NEK5: variants seen among roughly 807,000 people sequenced by gnomAD.
The protein encoded by NEK5 is NIMA related kinase 5.
Under a neutral mutation model 109.2 loss-of-function variants are expected in NEK5, and 88 were observed. That is an observed-to-expected ratio of 0.81 (90% CI 0.68 to 0.96). The LOEUF (loss-of-function observed/expected upper bound fraction) is 0.96, where lower values mean the gene tolerates loss of function less well. NEK5 is among the 40% of genes least tolerant of loss of function. The pLI is 0.00. For synonymous variants in NEK5, 283 were observed against 299.9 expected (o/e 0.94, Z 0.58); for missense variants, 834 against 920.7 (o/e 0.91, Z 1.22).
Position 52,099,797 on chromosome 13 carries a change from A to G in NEK5, c.972T>C (p.Ala324=), listed in dbSNP as rs756874864. Reference sequence around the variant, plus strand: ...GTCTCCATTCATTTCTATGCAATATAGCATTCCTTTTAATTGGCACAGATA... The same window carrying G: ...GTCTCCATTCATTTCTATGCAATATGGCATTCCTTTTAATTGGCACAGATA... ...SRISVPIKRN[A]ILHRNEWRPP... Residue 324 remains alanine (A), a synonymous_variant, in exon 12 of 24, where the codon GCT becomes GCC. Coordinates refer to ENST00000684899, the MANE Select transcript of NEK5 (RefSeq NM_001365552.1). 25 of 1,613,780 alleles carry G rather than the reference A, an allele frequency of 1.5e-5. No individual in the cohort carries two copies. Among genetic ancestry groups the G allele is most frequent in the Non-Finnish European group, 2.0e-5 (24 of 1,179,740 alleles).
At chr13:52,119,239 T>G (rs945920846) in intron 4 of NEK5, 80 bp downstream of exon 4, 5 of 691,208 alleles carry the variant, frequency 7.2e-6, no homozygotes, top group Non-Finnish European at 1.2e-5. Flanking sequence ...TTATACACAG[T>G]CCTTAGGAAC....
intron 19 of NEK5, among the ~76,000 whole-genome samples, chr13:52,072,334 A>G (rs905860251): frequency 6.6e-6 from 1 of 152,224 alleles, no homozygotes; most frequent in African/African-American, 2.4e-5. Context: ...TCTGACTTCA[A>G]TAGTATTCCA....
chr13:52,056,070 A>G (rs991949381), intron 22 of NEK5, among the ~76,000 whole-genome samples: 7 of 152,322 alleles, frequency 4.6e-5, no homozygotes, highest in Non-Finnish European at 8.8e-5. Context: ...ATGCAGAGAC[A>G]CACATACGCT....
chr13:52,087,819 G>T (rs918827439), intron 14 of NEK5, among the ~76,000 whole-genome samples: 20 of 151,916 alleles, frequency 1.3e-4, no homozygotes, highest in Non-Finnish European at 1.8e-4. Flanking sequence ...TAGAGACAGG[G>T]TTTCACTGTG....
At chr13:52,117,540 C>G (rs1224702370) in intron 4 of NEK5, among the ~76,000 whole-genome samples, 1 of 152,160 alleles carries the variant, frequency 6.6e-6, no homozygotes, top group African/African-American at 2.4e-5. Context: ...GCAAAAGCTT[C>G]CAGTGGTAAA....
chr13:52,064,013 C>T (rs1419758407), intron 21 of NEK5, among the ~76,000 whole-genome samples: 4 of 144,300 alleles, frequency 2.8e-5, no homozygotes, highest in African/African-American at 1.0e-4. Context: ...GGGGGTCAGC[C>T]CCCCGCCCGG....
At chr13:52,117,864 CAG>C (rs113138282) in intron 4 of NEK5, among the ~76,000 whole-genome samples, 3 of 152,274 alleles carry the variant, frequency 2.0e-5, no homozygotes, top group African/African-American at 7.2e-5. Context: ...AGGAGTTAGC[CAG>C]AGAGTCACAA....
intron 4 of NEK5, 79 bp downstream of exon 4, chr13:52,119,240 C>T (rs775207355): frequency 1.4e-6 from 1 of 708,334 alleles, no homozygotes. Flanking sequence ...TATACACAGT[C>T]CTTAGGAACA....
intron 21 of NEK5, among the ~76,000 whole-genome samples, chr13:52,064,365 C>T (rs1245582426): frequency 1.5e-5 from 2 of 136,484 alleles, no homozygotes; most frequent in East Asian, 2.3e-4. Flanking sequence ...GGGGGTCAGC[C>T]CCCCCGCCCG....
At chr13:52,086,479 A>G (rs914683116) in intron 15 of NEK5, 116 bp from the exon 16 acceptor site, 3 of 693,070 alleles carry the variant, frequency 4.3e-6, no homozygotes, top group Non-Finnish European at 7.6e-6. Flanking sequence ...TTAGAAAAAT[A>G]TGTTGCTCCT....
Position 52,123,653 on chromosome 13 carries a change from C to T in NEK5, c.117+3713G>A, listed in dbSNP as rs1174892917. 5.9e-5 allele frequency among the ~76,000 whole-genome samples: 9 copies of T among 152,108 alleles called. No individual in the cohort carries two copies. In the South Asian group the frequency reaches 6.2e-4, roughly 11 times the overall value. On this transcript the variant is annotated intron_variant, in intron 3 of 23. Coordinates refer to ENST00000684899, the MANE Select transcript of NEK5 (RefSeq NM_001365552.1). Reference sequence around the variant, plus strand: ...TACCAGCACAAAACACACATGGACTCGGTCCTCACAGAACATATTACAGCT... The same window carrying T: ...TACCAGCACAAAACACACATGGACTTGGTCCTCACAGAACATATTACAGCT...
intron 3 of NEK5, among the ~76,000 whole-genome samples, chr13:52,121,526 A>G (rs1374318210): frequency 6.6e-6 from 1 of 152,224 alleles, no homozygotes; most frequent in Non-Finnish European, 1.5e-5. Context: ...GTTCTCATAC[A>G]AAAGACTTTG....
intron 21 of NEK5, chr13:52,065,169 A>ATT (rs1954667268): frequency 2.3e-6 from 1 of 438,248 alleles, no homozygotes; most frequent in Non-Finnish European, 4.1e-6. Flanking sequence ...TCGCAAAAAA[A>ATT]GTTGTTGAGC....
intron 14 of NEK5, 66 bp from the exon 15 acceptor site, chr13:52,087,520 T>G (rs1955175433): frequency 1.2e-6 from 1 of 826,420 alleles, no homozygotes; most frequent in South Asian, 1.7e-5. Context: ...TGATTTGACA[T>G]TGACTTTTTC....
chr13:52,080,131 C>T (rs1172898191), intron 17 of NEK5, among the ~76,000 whole-genome samples: 4 of 150,338 alleles, frequency 2.7e-5, no homozygotes, highest in South Asian at 2.1e-4. Context: ...AGGTGAGGAG[C>T]GTCTCCGCCC....
intron 17 of NEK5, among the ~76,000 whole-genome samples, chr13:52,080,797 T>C (rs962057838): frequency 1.2e-4 from 19 of 152,006 alleles, no homozygotes; most frequent in Admixed American, 8.5e-4. Flanking sequence ...CAGAGACCTT[T>C]GTTCACTTGT....
intron 11 of NEK5, among the ~76,000 whole-genome samples, chr13:52,101,400 G>A (rs1438537012): frequency 6.6e-6 from 1 of 150,754 alleles, no homozygotes; most frequent in African/African-American, 2.4e-5. Context: ...ACTCCGTCTC[G>A]GAAAAAAAAA....
intron 23 of NEK5, among the ~76,000 whole-genome samples, chr13:52,043,511 T>C (rs1954431339): frequency 3.0e-5 from 4 of 134,586 alleles, no homozygotes; most frequent in African/African-American, 8.6e-5. Context: ...CACTCCAACC[T>C]GGGTGACAGA....
intron 19 of NEK5, among the ~76,000 whole-genome samples, chr13:52,075,105 G>A (rs1954844019): frequency 6.6e-6 from 1 of 152,174 alleles, no homozygotes; most frequent in Non-Finnish European, 1.5e-5. Context: ...GTTCAACCCA[G>A]CAATCCCATT....
Sources: allele counts gnomAD v4.1 joint callset (sites outside exome capture counted in the v4.1 genomes callset), GRCh38; gene constraint gnomAD v4.1.1; transcripts MANE v1.5; gene names NCBI Gene and HGNC (gene_info 2026-07-23, HGNC 2026-07-21).